MLLT10: variants seen among roughly 807,000 people sequenced by gnomAD.
MLLT10 encodes MLLT10 histone lysine methyltransferase DOT1L cofactor, also known as protein AF-10.
A neutral mutation model predicts 129.1 loss-of-function variants in MLLT10; 30 were observed. The ratio of observed to expected loss-of-function variants is 0.23; its 90% confidence interval spans 0.17 to 0.32. The LOEUF is 0.32. Ranked by LOEUF, MLLT10 falls within the 10% of genes least tolerant of loss-of-function variation. The pLI is 1.00. For missense variants in MLLT10, 1,119 were observed against 1,268.3 expected (o/e 0.88, Z 1.79); for synonymous variants, 490 against 446.4 (o/e 1.10, Z -1.23).
chr10:21,677,709 A>AC (rs2052328074), intron 11 of MLLT10, among the ~76,000 whole-genome samples: 1 of 152,346 alleles, frequency 6.6e-6, no homozygotes, highest in East Asian at 1.9e-4. Context: ...TCCCACAGAC[A>AC]CAGAAGACAA....
At chr10:21,666,687 A>C (rs2050840463) in intron 9 of MLLT10, among the ~76,000 whole-genome samples, 1 of 152,068 alleles carries the variant, frequency 6.6e-6, no homozygotes, top group Non-Finnish European at 1.5e-5. Context: ...ATAAAAAAGT[A>C]AAATAATGGA....
intron 3 of MLLT10, among the ~76,000 whole-genome samples, chr10:21,542,613 C>T (rs1588802272): frequency 3.3e-5 from 5 of 152,114 alleles, no homozygotes; most frequent in Admixed American, 2.0e-4. Context: ...CAGTGGCTTG[C>T]GCCTATAATC....
chr10:21,652,602 G>A (rs978332206), intron 9 of MLLT10, among the ~76,000 whole-genome samples: 6 of 152,228 alleles, frequency 3.9e-5, no homozygotes, highest in Non-Finnish European at 8.8e-5. Flanking sequence ...GTTGGGAAGT[G>A]CAGTAGGAGA....
chr10:21,544,241 C>G (rs1189212164), intron 3 of MLLT10, among the ~76,000 whole-genome samples: 1 of 152,176 alleles, frequency 6.6e-6, no homozygotes, highest in Non-Finnish European at 1.5e-5. Flanking sequence ...TGAAAGATGA[C>G]GATACCTCAG....
At chr10:21,558,551 A>C (rs1289394797) in intron 3 of MLLT10, among the ~76,000 whole-genome samples, 1 of 148,542 alleles carries the variant, frequency 6.7e-6, no homozygotes. Flanking sequence ...TTTTTTTTTT[A>C]ATTTTTAATT....
intron 8 of MLLT10, among the ~76,000 whole-genome samples, chr10:21,649,986 G>C (rs528686578): frequency 2.0e-5 from 3 of 152,234 alleles, no homozygotes; most frequent in Admixed American, 2.0e-4. Flanking sequence ...TTCCTAAAAA[G>C]TCTGAATTAG....
intron 4 of MLLT10, among the ~76,000 whole-genome samples, chr10:21,592,077 G>GT (rs979044957): frequency 6.6e-5 from 10 of 151,830 alleles, no homozygotes; most frequent in African/African-American, 9.7e-5. Flanking sequence ...TCTTTTACCT[G>GT]TTTTTTTTCC....
chr10:21,549,144 A>G (rs1351950068), intron 3 of MLLT10, among the ~76,000 whole-genome samples: 1 of 120,320 alleles, frequency 8.3e-6, no homozygotes, highest in African/African-American at 3.0e-5. Flanking sequence ...TTTTTTTTAG[A>G]CTTGAGTCTT....
chr10:21,697,916 A>T (rs1032670261), intron 13 of MLLT10, among the ~76,000 whole-genome samples: 4 of 152,082 alleles, frequency 2.6e-5, no homozygotes, highest in Non-Finnish European at 5.9e-5. Context: ...ATGCTTGCTT[A>T]TTTACATTTT....
At chr10:21,700,507 A>G (rs1264944366) in intron 13 of MLLT10, among the ~76,000 whole-genome samples, 3 of 152,100 alleles carry the variant, frequency 2.0e-5, no homozygotes, top group Non-Finnish European at 2.9e-5. Context: ...AGTTTGTCCT[A>G]TATGGCCTTT....
intron 3 of MLLT10, among the ~76,000 whole-genome samples, chr10:21,579,899 T>C (rs1278814466): frequency 6.6e-6 from 1 of 152,140 alleles, no homozygotes; most frequent in Non-Finnish European, 1.5e-5. Context: ...AGCTTCAAGT[T>C]CACTGACTCT....
intron 8 of MLLT10, chr10:21,625,858 A>G: frequency 1.3e-6 from 1 of 778,452 alleles, no homozygotes; most frequent in Non-Finnish European, 2.4e-6. Context: ...CTATGATAAG[A>G]CGTAGATCCC....
At chr10:21,730,879 C>T (rs2057916119) in intron 16 of MLLT10, 21 bp from the exon 17 acceptor site, 2 of 1,613,934 alleles carry the variant, frequency 1.2e-6, no homozygotes, top group Admixed American at 1.7e-5. Context: ...TTCTTTTTAA[C>T]TTGAGAATTG....
At chr10:21,693,304 G>A (rs149187185) in intron 13 of MLLT10, among the ~76,000 whole-genome samples, 2 of 151,920 alleles carry the variant, frequency 1.3e-5, no homozygotes, top group African/African-American at 4.8e-5. Flanking sequence ...TGTTTAATAT[G>A]TATACATTTA....
chr10:21,578,113 T>G (rs1344537708), intron 3 of MLLT10, among the ~76,000 whole-genome samples: 1 of 152,098 alleles, frequency 6.6e-6, no homozygotes, highest in African/African-American at 2.4e-5. Context: ...CAGGCTAGTC[T>G]CAAACTCCTG....
intron 14 of MLLT10, among the ~76,000 whole-genome samples, chr10:21,721,368 A>T (rs1287719063): frequency 6.6e-6 from 1 of 152,144 alleles, no homozygotes; most frequent in Non-Finnish European, 1.5e-5. Context: ...TTCTGCGCTT[A>T]TTAACATTAG....
At chr10:21,615,992 C>T (rs1356540865) in intron 7 of MLLT10, among the ~76,000 whole-genome samples, 1 of 151,880 alleles carries the variant, frequency 6.6e-6, no homozygotes, top group Non-Finnish European at 1.5e-5. Flanking sequence ...TATTATATTT[C>T]CCTTGTGAAT....
chr10:21,622,208 G>T (rs1172162409), intron 8 of MLLT10, among the ~76,000 whole-genome samples: 2 of 148,752 alleles, frequency 1.3e-5, no homozygotes, highest in South Asian at 2.2e-4. Context: ...CGCAGGCTGG[G>T]GTGCAGTGGC....
chr10:21,580,760 G>A (rs2041335736), intron 3 of MLLT10, among the ~76,000 whole-genome samples: 1 of 151,512 alleles, frequency 6.6e-6, no homozygotes, highest in Non-Finnish European at 1.5e-5. Flanking sequence ...GGAATGCAAT[G>A]GCGCGATCTT....
Sources: allele counts gnomAD v4.1 joint callset (sites outside exome capture counted in the v4.1 genomes callset), GRCh38; gene constraint gnomAD v4.1.1; transcripts MANE v1.5; gene names NCBI Gene and HGNC (gene_info 2026-07-23, HGNC 2026-07-21).